The following PRKG1 variants were observed in gnomAD, a reference collection of about 807,000 sequenced individuals.
PRKG1 encodes the protein cGMP-dependent protein kinase 1.
PRKG1 carries 35 observed loss-of-function variants against 88.1 expected under a neutral mutation model. That is an observed-to-expected ratio of 0.40 (90% CI 0.30 to 0.53). The LOEUF is 0.53. Among genes scored for constraint, PRKG1 ranks in the 20% least tolerant of loss-of-function variants. The probability of loss-of-function intolerance (pLI) is 0.59; values close to 1 mark genes in which losing one functional copy is unlikely to be tolerated. For synonymous variants in PRKG1, 303 were observed against 292.5 expected (o/e 1.04, Z -0.37); for missense variants, 540 against 839.8 (o/e 0.64, Z 4.41).
intron 17 of PRKG1, among the ~76,000 whole-genome samples, chr10:52,291,355 T>G (rs1198066183): frequency 1.3e-5 from 2 of 150,990 alleles, no homozygotes; most frequent in Admixed American, 1.3e-4. Flanking sequence ...GCTGCACCCA[T>G]TAACTTGTCA....
At chr10:52,266,722 T>C (rs964676546) in intron 10 of PRKG1, among the ~76,000 whole-genome samples, 2 of 151,248 alleles carry the variant, frequency 1.3e-5, no homozygotes, top group South Asian at 2.1e-4. Context: ...CCCCATATGA[T>C]AGATGAGGAA....
intron 2 of PRKG1, among the ~76,000 whole-genome samples, chr10:51,238,363 C>T (rs1251552527): frequency 1.3e-5 from 2 of 152,098 alleles, no homozygotes; most frequent in Non-Finnish European, 2.9e-5. Context: ...GGCAGGTCAC[C>T]TGAGGTCAGG....
intron 3 of PRKG1, among the ~76,000 whole-genome samples, chr10:51,551,831 G>A (rs1837143852): frequency 6.6e-6 from 1 of 151,694 alleles, no homozygotes; most frequent in African/African-American, 2.4e-5. Context: ...TTATCTCTAT[G>A]GAGAAGACTA....
rs1588912994 is a variant in PRKG1, at chr10:51,395,891, T to A, written c.479-71832T>A. Among the ~76,000 whole-genome samples the A allele has an allele frequency of 2.6e-5, 4 of 152,194 alleles. No homozygotes were observed. In the South Asian group the frequency reaches 6.2e-4, roughly 24 times the overall value. On this transcript the variant is annotated intron_variant, in intron 2 of 17. Transcript: ENST00000373980. The stretch of plus-strand genomic sequence containing the variant: ...ATAGTGGGGAGAAACATTTCTGCCC[T>A]AGAAAGATTTCCTGTCTATTCTACC...
chr10:51,845,730 A>T (rs538428404), intron 4 of PRKG1, among the ~76,000 whole-genome samples: 1 of 152,108 alleles, frequency 6.6e-6, no homozygotes, highest in Non-Finnish European at 1.5e-5. Flanking sequence ...TTATAATAAG[A>T]TTAATTCTCT....
chr10:51,868,202 G>C (rs1416714493), intron 4 of PRKG1, among the ~76,000 whole-genome samples: 1 of 152,162 alleles, frequency 6.6e-6, no homozygotes, highest in Non-Finnish European at 1.5e-5. Context: ...TTTGATTACT[G>C]AGTAGGAGGC....
chr10:51,611,480 T>TC (rs201712741), intron 3 of PRKG1, among the ~76,000 whole-genome samples: 691 of 62,524 alleles, frequency 0.011, 4 homozygotes, highest in African/African-American at 0.018. Flanking sequence ...TATTTGCCCT[T>TC]TTTTAAAAAA....
chr10:51,942,953 T>C lies in PRKG1; in HGVS notation c.762+35383T>C, dbSNP rs1172293022. 4.0e-5 allele frequency among the ~76,000 whole-genome samples: 6 copies of C among 151,868 alleles called. 1 individual carries two copies. In the South Asian group the frequency reaches 1.2e-3, roughly 31 times the overall value. ...CGATGCGGGCTCTGTTTTGGTTCCA[T>C]ATGAATTTGAAAGTAGTTTTTTCCA... On this transcript the variant is annotated intron_variant, in intron 5 of 17. Transcript: ENST00000373980.
intron 1 of PRKG1, among the ~76,000 whole-genome samples, chr10:51,019,881 A>G (rs1756412593): frequency 6.6e-6 from 1 of 152,164 alleles, no homozygotes; most frequent in Non-Finnish European, 1.5e-5. Flanking sequence ...TAAATGACCA[A>G]TAAGCATATA....
intron 3 of PRKG1, among the ~76,000 whole-genome samples, chr10:51,758,854 A>G (rs28404233): frequency 2.0e-5 from 2 of 97,892 alleles, no homozygotes; most frequent in Admixed American, 2.1e-4. Context: ...CTTCCCCCCC[A>G]CCCCCCGACA....
intron 3 of PRKG1, among the ~76,000 whole-genome samples, chr10:51,688,565 C>CTTTTTT (rs35034840): frequency 1.6e-5 from 2 of 123,744 alleles, no homozygotes; most frequent in African/African-American, 3.0e-5. Flanking sequence ...AGTAACAATC[C>CTTTTTT]TTTTTTTTTT....
At chr10:51,954,959 C>T (rs1843269529) in intron 5 of PRKG1, among the ~76,000 whole-genome samples, 1 of 152,070 alleles carries the variant, frequency 6.6e-6, no homozygotes, top group African/African-American at 2.4e-5. Flanking sequence ...TCTACCTTAC[C>T]ATGTTTCTTT....
At chr10:51,122,259 A>G (rs1423010002) in intron 1 of PRKG1, among the ~76,000 whole-genome samples, 1 of 152,194 alleles carries the variant, frequency 6.6e-6, no homozygotes, top group Non-Finnish European at 1.5e-5. Context: ...AACCCATATG[A>G]AAGGCATATG....
At position 52,240,079 on chromosome 10, in the gene PRKG1, G is replaced by A. The variant is rs189046575; in HGVS notation, c.1077-11491G>A. On this transcript the variant is annotated intron_variant, in intron 9 of 17. Coordinates refer to ENST00000373980, the MANE Select transcript of PRKG1 (RefSeq NM_006258.4). ...AGAGGGACACCTTTCCAAGGTAAAA[G>A]TTATGAAGAAGATCACAATTCAATT... 2.6e-5 allele frequency among the ~76,000 whole-genome samples: 4 copies of A among 152,262 alleles called. No homozygotes were observed. In the East Asian group the frequency reaches 7.7e-4, roughly 29 times the overall value.
intron 1 of PRKG1, among the ~76,000 whole-genome samples, chr10:51,096,681 A>G (rs1044243374): frequency 2.0e-5 from 3 of 152,136 alleles, no homozygotes; most frequent in African/African-American, 7.2e-5. Flanking sequence ...TCCTCCATCT[A>G]TAAAACAGAG....
At chr10:51,761,994 C>T (rs760153739) in intron 3 of PRKG1, among the ~76,000 whole-genome samples, 11 of 151,138 alleles carry the variant, frequency 7.3e-5, no homozygotes, top group African/African-American at 2.4e-4. Context: ...GCTATTAACC[C>T]CCAAATAGTA....
At chr10:51,506,559 C>G (rs987274086) in intron 3 of PRKG1, among the ~76,000 whole-genome samples, 1 of 152,196 alleles carries the variant, frequency 6.6e-6, no homozygotes, top group Non-Finnish European at 1.5e-5. Context: ...AAATGCTCAT[C>G]ATCACTGGCT....
At chr10:51,962,476 TTTTTC>T (rs891095736) in intron 5 of PRKG1, among the ~76,000 whole-genome samples, 22 of 152,224 alleles carry the variant, frequency 1.4e-4, no homozygotes, top group Non-Finnish European at 1.9e-4. Flanking sequence ...TCCAGATTTC[TTTTTC>T]TTTTCTTTTC....
intron 2 of PRKG1, among the ~76,000 whole-genome samples, chr10:51,208,649 A>T (rs1189210615): frequency 1.3e-5 from 2 of 152,228 alleles, no homozygotes; most frequent in African/African-American, 4.8e-5. Context: ...AAGGTACCAA[A>T]AAGAAATTGA....
Sources: allele counts gnomAD v4.1 joint callset (sites outside exome capture counted in the v4.1 genomes callset), GRCh38; gene constraint gnomAD v4.1.1; transcripts MANE v1.5; gene names NCBI Gene and HGNC (gene_info 2026-07-23, HGNC 2026-07-21).